PIBF1: variants seen among roughly 807,000 people sequenced by gnomAD.
PIBF1 encodes progesterone-induced-blocking factor 1.
In PIBF1, 90 loss-of-function variants were observed where a neutral mutation model predicts 112.5. The observed-to-expected ratio is 0.80, with a 90% CI of 0.67 to 0.95. PIBF1 has a LOEUF of 0.95. PIBF1 is among the 40% of genes least tolerant of loss of function. PIBF1 has a pLI of 0.00. For synonymous variants in PIBF1, 301 were observed against 288.6 expected, an observed-to-expected ratio of 1.04 and a Z score of -0.44; for missense variants, 915 against 852.3, an observed-to-expected ratio of 1.07 and a Z score of -0.92.
chr13:72,790,520 T>TC (rs2034863451), intron 2 of PIBF1, among the ~76,000 whole-genome samples: 2 of 87,656 alleles, frequency 2.3e-5, no homozygotes, highest in Non-Finnish European at 6.1e-5. Flanking sequence ...CATAGATAGA[T>TC]AGATAGATAG....
At chr13:73,007,140 A>G (rs1414630817) in intron 17 of PIBF1, among the ~76,000 whole-genome samples, 1 of 151,924 alleles carries the variant, frequency 6.6e-6, no homozygotes, top group East Asian at 1.9e-4. Context: ...GGTTAATCCC[A>G]TTAATACCTG....
intron 16 of PIBF1, among the ~76,000 whole-genome samples, chr13:72,975,497 C>T (rs2138949508): frequency 6.6e-6 from 1 of 152,232 alleles, no homozygotes. Flanking sequence ...GGAAGCAGTT[C>T]AAAGGTACGT....
At chr13:72,813,503 C>T (rs2036120195) in intron 5 of PIBF1, among the ~76,000 whole-genome samples, 1 of 152,192 alleles carries the variant, frequency 6.6e-6, no homozygotes, top group African/African-American at 2.4e-5. Context: ...TTTCTTACCT[C>T]ACTGAGGCTG....
chr13:72,850,771 A>AT (rs11409082), intron 9 of PIBF1, among the ~76,000 whole-genome samples: 95,931 of 151,438 alleles, frequency 0.63, 31,221 homozygotes, highest in African/African-American at 0.76. Context: ...TGAGAACTTT[A>AT]TCTATAACAT....
At chr13:72,787,156 G>A (rs903010576) in intron 2 of PIBF1, among the ~76,000 whole-genome samples, 20 of 152,184 alleles carry the variant, frequency 1.3e-4, no homozygotes, top group Admixed American at 1.1e-3. Flanking sequence ...ACCTTAGACA[G>A]GCAAACAGCA....
At chr13:72,855,001 C>G (rs965624094) in intron 10 of PIBF1, among the ~76,000 whole-genome samples, 1 of 152,064 alleles carries the variant, frequency 6.6e-6, no homozygotes, top group Non-Finnish European at 1.5e-5. Flanking sequence ...TCTACACTTT[C>G]AATTGTTTGA....
chr13:72,927,611 T>C (rs542673333), intron 13 of PIBF1, among the ~76,000 whole-genome samples: 1 of 152,288 alleles, frequency 6.6e-6, no homozygotes, highest in East Asian at 1.9e-4. Context: ...GGTCTCAAAC[T>C]CCTGGCCTCA....
At chr13:72,893,505 A>G (rs1037816401) in intron 10 of PIBF1, among the ~76,000 whole-genome samples, 2 of 152,108 alleles carry the variant, frequency 1.3e-5, no homozygotes, top group Non-Finnish European at 2.9e-5. Context: ...TGTAACTGAA[A>G]TTTGCTCTTG....
chr13:72,909,426 A>C (rs561018262), intron 12 of PIBF1, among the ~76,000 whole-genome samples: 1 of 152,338 alleles, frequency 6.6e-6, no homozygotes, highest in Non-Finnish European at 1.5e-5. Context: ...ATCATTAATT[A>C]ATCCCACCTT....
intron 16 of PIBF1, among the ~76,000 whole-genome samples, chr13:72,977,265 C>T (rs904389296): frequency 3.9e-5 from 6 of 152,088 alleles, no homozygotes; most frequent in African/African-American, 1.4e-4. Flanking sequence ...AGTGCAGTGG[C>T]GCTATTTCGG....
At chr13:72,811,787 C>T (rs2036032365) in intron 5 of PIBF1, among the ~76,000 whole-genome samples, 1 of 152,076 alleles carries the variant, frequency 6.6e-6, no homozygotes, top group South Asian at 2.1e-4. Context: ...ATTGCTCCTT[C>T]ACAAACCTGT....
At chr13:72,963,628 A>C (rs901359542) in intron 14 of PIBF1, among the ~76,000 whole-genome samples, 2 of 152,170 alleles carry the variant, frequency 1.3e-5, no homozygotes, top group Non-Finnish European at 2.9e-5. Flanking sequence ...TAAGATTATC[A>C]AGAAAGTGAA....
intron 9 of PIBF1, among the ~76,000 whole-genome samples, chr13:72,849,091 T>C (rs760174241): frequency 1.8e-4 from 28 of 152,224 alleles, no homozygotes; most frequent in Non-Finnish European, 2.1e-4. Flanking sequence ...TTTTCTTCAA[T>C]CTTTCCTCTC....
chr13:72,978,744 G>A (rs1469064589), intron 16 of PIBF1, among the ~76,000 whole-genome samples: 2 of 151,906 alleles, frequency 1.3e-5, no homozygotes, highest in South Asian at 2.1e-4. Flanking sequence ...ACTTGTACTC[G>A]GATTAAGACC....
chr13:72,782,315 C>T lies in PIBF1; in HGVS notation c.-82C>T, dbSNP rs2034301866. 6.4e-6 allele frequency: 1 copy of T among 156,270 alleles called. No homozygotes were observed. The allele number at this position is 156,270 out of a possible 1,614,324, so 9.7% of individuals were successfully genotyped here. On this transcript the variant is annotated 5_prime_UTR_variant, in exon 1 of 18. Transcript: ENST00000326291. ...CTCGGTGTCTGCACTGGCTGCTGGT[C>T]AAGGCTTCAGTGTGGAGTAATTGAC... is the stretch of plus-strand genomic sequence containing the variant.
chr13:73,010,850 T>G (rs2044181682), intron 17 of PIBF1, among the ~76,000 whole-genome samples: 1 of 138,864 alleles, frequency 7.2e-6, no homozygotes, highest in Non-Finnish European at 1.5e-5. Context: ...TGAGACAGAG[T>G]TTTTCACTCT....
chr13:72,968,323 G>C (rs529476114), intron 15 of PIBF1, among the ~76,000 whole-genome samples: 102 of 151,172 alleles, frequency 6.7e-4, no homozygotes, highest in African/African-American at 2.4e-3. Context: ...TCTTTGAGAC[G>C]GAGTTTCACT....
At chr13:72,896,558 A>G (rs976380052) in intron 11 of PIBF1, among the ~76,000 whole-genome samples, 8 of 152,180 alleles carry the variant, frequency 5.3e-5, no homozygotes, top group Non-Finnish European at 1.2e-4. Context: ...AAAATGGTAC[A>G]AGAAGTGAAG....
intron 5 of PIBF1, 55 bp downstream of exon 5, chr13:72,798,081 C>A: frequency 1.3e-6 from 2 of 1,526,934 alleles, no homozygotes; most frequent in Non-Finnish European, 1.8e-6. Context: ...TCTGTAGAGT[C>A]CCTCAGGATT....
Sources: allele counts gnomAD v4.1 joint callset (sites outside exome capture counted in the v4.1 genomes callset), GRCh38; gene constraint gnomAD v4.1.1; transcripts MANE v1.5; gene names NCBI Gene and HGNC (gene_info 2026-07-23, HGNC 2026-07-21).